BAG6: variants seen among roughly 807,000 people sequenced by gnomAD.
BAG6 encodes BAG cochaperone 6, also known as large proline-rich protein BAG6.
Under a neutral mutation model 121.0 loss-of-function variants are expected in BAG6, and 22 were observed. The observed-to-expected ratio is 0.18, with a 90% CI of 0.13 to 0.26. The LOEUF is 0.26. BAG6 is among the 10% of genes least tolerant of loss of function. BAG6 has a pLI of 1.00. For synonymous variants in BAG6, 583 were observed against 584.6 expected, an observed-to-expected ratio of 1.00 and a Z score of 0.04; for missense variants, 1,233 against 1,537.7, an observed-to-expected ratio of 0.80 and a Z score of 3.31.
Position 31,646,410 on chromosome 6 carries a change from G to A in BAG6, c.902C>T (p.Thr301Met), listed in dbSNP as rs769472538. 1.2e-5 allele frequency: 19 copies of A among 1,612,922 alleles called. No homozygotes were observed. Among genetic ancestry groups the A allele is most frequent in the Non-Finnish European group, 1.4e-5 (17 of 1,179,970 alleles). Reference sequence around the variant, plus strand: ...AGGGCTCACATTGTTATTGTAGTCCGTGGTGGCAGCAGCACCCAGAACCTC... The same window carrying A: ...AGGGCTCACATTGTTATTGTAGTCCATGGTGGCAGCAGCACCCAGAACCTC... ...YYEVLGAAAT[T>M]DYNNNHEGRE... Residue 301 changes from threonine to methionine, a missense_variant, in exon 8 of 26, where the codon ACG (threonine) becomes ATG (methionine). Physicochemically the swap from Thr to Met is moderately conservative, Grantham distance 81 (BLOSUM62 -1). Transcript: ENST00000676615.
intron 5 of BAG6, 74 bp downstream of exon 5, chr6:31,648,837 C>T: frequency 6.3e-7 from 1 of 1,588,224 alleles, no homozygotes; most frequent in Non-Finnish European, 8.6e-7. Context: ...AGCCATCTCT[C>T]AGCCAGGTCC....
In BAG6 at chr6:31,640,174, A is replaced by C; in HGVS notation, c.3246+25T>G. The C allele has an allele frequency of 6.2e-7, 1 of 1,603,888 alleles. No individual in the cohort carries two copies. The highest frequency in any genetic ancestry group is 1.1e-5 in the South Asian group (1 of 90,764). ...GACGGGGAAACCTGGATAGAGAGAG[A>C]GGCTTAGGGAAGAGGAAAACCAACC... On this transcript the variant is annotated intron_variant, in intron 24 of 25. Transcript: ENST00000676615. This position sits in a 1 kb window ranked among gnomAD's most constrained non-coding sequence, Gnocchi z 4.2.
chr6:31,649,307 G>C lies in BAG6; in HGVS notation c.315C>G (p.Ala105=). Residue 105 remains alanine, a synonymous_variant, in exon 4 of 26, where the codon GCC becomes GCG. Coordinates refer to ENST00000676615, the MANE Select transcript of BAG6 (RefSeq NM_001387994.1). ...GGGATCCCCCACCATGAGTGGCTGA[G>C]GCAGACCCCGTCCCAGAAGATGCCC... ...PSGASSGTGS[A]SATHGGGSPP... 1.9e-6 allele frequency: 3 copies of C among 1,613,386 alleles called. No individual in the cohort carries two copies. Among genetic ancestry groups the C allele is most frequent in the Non-Finnish European group, 2.5e-6 (3 of 1,179,976 alleles).
At chr6:31,647,396 A>G (rs1309633024) in intron 7 of BAG6, among the ~76,000 whole-genome samples, 195 bp downstream of exon 7, 1 of 152,152 alleles carries the variant, frequency 6.6e-6, no homozygotes, top group Non-Finnish European at 1.5e-5. Flanking sequence ...TGCCGTAGGG[A>G]GAGCAGCAGT....
rs1264184500 is a variant in BAG6, at chr6:31,642,134, C to T, written c.2313G>A (p.Glu771=). The T allele has an allele frequency of 1.9e-6, 3 of 1,612,642 alleles. No individual in the cohort carries two copies. Among genetic ancestry groups the T allele is most frequent in the Middle Eastern group, 1.7e-4 (1 of 6,044 alleles). The change falls in exon 16 of 26, where the codon GAG becomes GAA. Residue 771 remains glutamate, a synonymous_variant. Transcript: ENST00000676615. ...CACCAAGGGCCCCATCAGCTCCAGG[C>T]TCAAAGATGTTGCTGGATCCACTGA... The part of the protein sequence containing the change: ...QRLSGSSNIF[E]PGADGALGFF...
Position 31,641,011 on chromosome 6 carries a change from A to T in BAG6, c.2788-73T>A. On this transcript the variant is annotated intron_variant, in intron 20 of 25. Transcript: ENST00000676615. The surrounding 1 kb of genome is among the most constrained non-coding windows in gnomAD (Gnocchi z 5.7). ...TAGAAATAGATTAGATCCAGGTTAC[A>T]GAATGTCAGTTTAGAAAAGAAAAAT... 6.3e-7 allele frequency: 1 copy of T among 1,599,284 alleles called. No individual in the cohort carries two copies. Among genetic ancestry groups the T allele is most frequent in the Non-Finnish European group, 8.5e-7 (1 of 1,172,694 alleles).
In BAG6 at chr6:31,646,430, A is replaced by T; in HGVS notation, c.882T>A (p.Val294=). 1 of 1,612,976 alleles carries T rather than the reference A, an allele frequency of 6.2e-7. No homozygotes were observed. ...AGTCCGTGGTGGCAGCAGCACCCAG[A>T]ACCTCGTAGTAGCGCTGCAAGAAGG... ...LQPFLQRYYE[V]LGAAATTDYN... The change falls in exon 8 of 26, where the codon GTT becomes GTA. Residue 294 remains valine, a synonymous_variant. Transcript: ENST00000676615.
At chr6:31,647,544 C>A in intron 7 of BAG6, 47 bp downstream of exon 7, 1 of 1,604,196 alleles carries the variant, frequency 6.2e-7, no homozygotes, top group Non-Finnish European at 8.5e-7. Context: ...TCTCCCCATA[C>A]TTCACTTAGG....
At chr6:31,651,598 AAGGG>A in intron 2 of BAG6, 54 bp downstream of exon 2, 1 of 1,460,034 alleles carries the variant, frequency 6.8e-7, no homozygotes, top group Non-Finnish European at 9.6e-7. Context: ...CTCTCAGGCT[AAGGG>A]GCCTAAACGA....
chr6:31,651,906 C>T, intron 1 of BAG6, 130 bp from the exon 2 acceptor site: 2 of 603,314 alleles, frequency 3.3e-6, no homozygotes, highest in Admixed American at 2.5e-5. Context: ...TCACACCTGT[C>T]CCCATCCCCC....
chr6:31,645,699 T>C (rs1012292187), intron 8 of BAG6, 95 bp from the exon 9 acceptor site: 1 of 1,456,944 alleles, frequency 6.9e-7, no homozygotes, highest in Admixed American at 2.0e-5. Flanking sequence ...GAATACCATG[T>C]CCTCCAAAAC....
intron 8 of BAG6, 111 bp downstream of exon 8, chr6:31,646,283 G>C (rs1351979495): frequency 1.4e-6 from 2 of 1,468,236 alleles, no homozygotes; most frequent in South Asian, 1.3e-5. Flanking sequence ...ACTGCACCTG[G>C]CCCTGTTGCA....
At chr6:31,642,051 G>A in intron 16 of BAG6, 61 bp downstream of exon 16, 1 of 1,594,938 alleles carries the variant, frequency 6.3e-7, no homozygotes, top group Non-Finnish European at 8.6e-7. Flanking sequence ...CTAAACCAAG[G>A]CCATCTACAT....
chr6:31,648,307 C>T (rs1296669609), intron 6 of BAG6, among the ~76,000 whole-genome samples: 1 of 152,190 alleles, frequency 6.6e-6, no homozygotes, highest in African/African-American at 2.4e-5. Context: ...GGAGCCACCA[C>T]ACCCGGCCAC....
chr6:31,643,161 T>C (rs1255436513), intron 14 of BAG6, 46 bp from the exon 15 acceptor site: 1 of 1,515,102 alleles, frequency 6.6e-7, no homozygotes, highest in Non-Finnish European at 8.8e-7. Flanking sequence ...ATGGTGGCTC[T>C]TGGCTGTAAT....
At chr6:31,642,642 C>T (rs1784092336) in intron 15 of BAG6, 187 bp downstream of exon 15, 1 of 774,202 alleles carries the variant, frequency 1.3e-6, no homozygotes, top group African/African-American at 1.8e-5. Context: ...ACTATACTTT[C>T]TTTTTCTAAA....
chr6:31,652,387 C>G (rs1013180166), intron 1 of BAG6, 37 bp downstream of exon 1: 1 of 153,366 alleles, frequency 6.5e-6, no homozygotes, highest in Non-Finnish European at 1.4e-5. Context: ...CCGCCCCCGA[C>G]TTCCCCACGG....
At chr6:31,645,283 T>G in intron 9 of BAG6, 85 bp from the exon 10 acceptor site, 1 of 1,605,070 alleles carries the variant, frequency 6.2e-7, no homozygotes, top group Non-Finnish European at 8.5e-7. Context: ...CTAAAGTATC[T>G]CCAGCCTTCA....
Position 31,639,193 on chromosome 6 carries a change from C to T in BAG6, c.3427G>A (p.Asp1143Asn). Residue 1143 changes from aspartate to asparagine, a missense_variant, in exon 26 of 26, where the codon GAC (aspartate) becomes AAC (asparagine). Around this residue, in one of 7 missense-constraint regions of BAG6, gnomAD observed 102 missense variants for 103.2 expected, o/e 0.99. Transcript: ENST00000676615. ...AAGCGCTGGGGACTGTAGTTGGGGT[C>T]TTCCTGCAGTCGTTTTTGTATATCA... ...RSDIQKRLQE[D>N]PNYSPQRFPN... 1 of 1,614,002 alleles carries T rather than the reference C, an allele frequency of 6.2e-7. No homozygotes were observed. Among genetic ancestry groups the T allele is most frequent in the Non-Finnish European group, 8.5e-7 (1 of 1,179,960 alleles).
Sources: allele counts gnomAD v4.1 joint callset (sites outside exome capture counted in the v4.1 genomes callset), GRCh38; gene constraint gnomAD v4.1.1; regional missense constraint gnomAD v4.1.1; non-coding constraint Gnocchi (gnomAD v3.1); transcripts MANE v1.5; gene names NCBI Gene and HGNC (gene_info 2026-07-23, HGNC 2026-07-21).